Variants in DPP6 observed in about 807,000 individuals in gnomAD.
The protein encoded by DPP6 is A-type potassium channel modulatory protein DPP6.
Under a neutral mutation model 122.6 loss-of-function variants are expected in DPP6, and 69 were observed. The ratio of observed to expected loss-of-function variants is 0.56; its 90% CI spans 0.46 to 0.69. The LOEUF (loss-of-function observed/expected upper bound fraction) is 0.69, where lower values mean the gene tolerates loss of function less well. DPP6 is among the 30% of genes least tolerant of loss of function. The probability of loss-of-function intolerance (pLI) is 0.00; values close to 1 mark genes in which losing one functional copy is unlikely to be tolerated. For synonymous variants in DPP6, 418 were observed against 433.1 expected (o/e 0.97, Z 0.43); for missense variants, 928 against 1,116.9 (o/e 0.83, Z 2.41).
chr7:154,037,358 A>T (rs1799588592), intron 1 of DPP6, among the ~76,000 whole-genome samples: 2 of 151,908 alleles, frequency 1.3e-5, no homozygotes, highest in South Asian at 2.1e-4. Context: ...CCAGGACCTC[A>T]TGGCAGCCTT....
intron 21 of DPP6, among the ~76,000 whole-genome samples, chr7:154,882,288 A>G (rs964761565): frequency 6.6e-6 from 1 of 152,068 alleles, no homozygotes; most frequent in African/African-American, 2.4e-5. Context: ...GTACCCCCGC[A>G]CTCAGCTCCG....
chr7:154,645,210 C>T (rs1399804747), intron 6 of DPP6, among the ~76,000 whole-genome samples: 7 of 151,738 alleles, frequency 4.6e-5, no homozygotes, highest in South Asian at 2.1e-4. Flanking sequence ...GGACTACAGG[C>T]GCCCACCACC....
At chr7:154,783,567 G>A (rs1392505744) in intron 10 of DPP6, among the ~76,000 whole-genome samples, 1 of 152,182 alleles carries the variant, frequency 6.6e-6, no homozygotes, top group Non-Finnish European at 1.5e-5. Context: ...AGGCATGGAC[G>A]CCTCCCATCA....
chr7:154,873,419 G>A (rs1280423611), intron 19 of DPP6, among the ~76,000 whole-genome samples: 2 of 152,072 alleles, frequency 1.3e-5, no homozygotes, highest in African/African-American at 4.8e-5. Flanking sequence ...AGACCACGGA[G>A]CAGGAGAAAC....
intron 1 of DPP6, among the ~76,000 whole-genome samples, chr7:153,988,642 C>A (rs905152545): frequency 6.6e-6 from 1 of 152,154 alleles, no homozygotes; most frequent in Admixed American, 6.5e-5. Context: ...GAGCGGGGCC[C>A]GGAGAAAGGG....
At chr7:154,467,505 T>A (rs929862389) in intron 2 of DPP6, among the ~76,000 whole-genome samples, 1 of 152,172 alleles carries the variant, frequency 6.6e-6, no homozygotes, top group Non-Finnish European at 1.5e-5. Context: ...TCACAAAGGG[T>A]GCTTGCTTCC....
chr7:153,894,913 C>G (rs1799344496), intron 1 of DPP6, among the ~76,000 whole-genome samples: 4 of 152,134 alleles, frequency 2.6e-5, no homozygotes, highest in Admixed American at 2.6e-4. Flanking sequence ...AAGTCTTGTT[C>G]CCTGGGTTGT....
At chr7:154,076,703 GCTT>G (rs1161639389) in intron 1 of DPP6, among the ~76,000 whole-genome samples, 3 of 151,842 alleles carry the variant, frequency 2.0e-5, no homozygotes, top group Non-Finnish European at 2.9e-5. Flanking sequence ...GCCAGGTGTG[GCTT>G]CTTCTTTTTA....
chr7:153,930,433 AT>A (rs1563019089), intron 1 of DPP6, among the ~76,000 whole-genome samples: 1 of 152,140 alleles, frequency 6.6e-6, no homozygotes, highest in Non-Finnish European at 1.5e-5. Context: ...TCAGCAGGAT[AT>A]GGCTCCTATT....
intron 1 of DPP6, among the ~76,000 whole-genome samples, chr7:154,235,850 T>C (rs1801180294): frequency 6.6e-6 from 1 of 152,028 alleles, no homozygotes; most frequent in Admixed American, 6.5e-5. Flanking sequence ...CTTATCTTTA[T>C]TTTATTTATT....
intron 2 of DPP6, among the ~76,000 whole-genome samples, chr7:154,456,370 A>C (rs770831024): frequency 6.6e-6 from 1 of 152,230 alleles, no homozygotes; most frequent in Non-Finnish European, 1.5e-5. Context: ...CCAGAAGTTC[A>C]GTTAAGTGAT....
rs894423028 is a variant in DPP6, at chr7:154,806,871, G to A, written c.1548-123G>A. 35 of 1,302,126 alleles carry A rather than the reference G, an allele frequency of 2.7e-5. No homozygotes were observed. In the East Asian group the frequency reaches 2.8e-4, roughly 11 times the overall value. The allele number at this position is 1,302,126 out of a possible 1,614,324, so 80.7% of individuals were successfully genotyped here. ...AGCAGGGAGACAGAGGGAGAGGCCC[G>A]GGGGGTCTGTAGCAGGGCTCCGCAG... On this transcript the variant is annotated intron_variant, in intron 15 of 25. Coordinates refer to ENST00000377770, the MANE Select transcript of DPP6 (RefSeq NM_130797.4).
chr7:153,964,569 G>A (rs893730152), intron 1 of DPP6, among the ~76,000 whole-genome samples: 1 of 152,152 alleles, frequency 6.6e-6, no homozygotes, highest in Non-Finnish European at 1.5e-5. Context: ...CCACTACCTG[G>A]GAGATGTAGG....
chr7:154,784,234 G>A (rs189727170), intron 10 of DPP6, among the ~76,000 whole-genome samples: 17 of 152,206 alleles, frequency 1.1e-4, no homozygotes, highest in African/African-American at 2.2e-4. Flanking sequence ...CTGTGAACAC[G>A]CCATTCTCCT....
At chr7:154,262,637 A>G (rs972577018) in intron 1 of DPP6, among the ~76,000 whole-genome samples, 3 of 141,350 alleles carry the variant, frequency 2.1e-5, no homozygotes, top group East Asian at 2.1e-4. Flanking sequence ...AATATGTTAG[A>G]AAGTGTCAAA....
At chr7:154,614,969 G>T (rs1224933049) in intron 5 of DPP6, among the ~76,000 whole-genome samples, 1 of 152,174 alleles carries the variant, frequency 6.6e-6, no homozygotes, top group Non-Finnish European at 1.5e-5. Context: ...GGAGTCCATG[G>T]GTGAATCTTT....
At chr7:154,540,441 C>A in intron 3 of DPP6, 91 bp from the exon 4 acceptor site, 1 of 790,768 alleles carries the variant, frequency 1.3e-6, no homozygotes, top group Non-Finnish European at 2.1e-6. Flanking sequence ...TTTTTCAGAA[C>A]TAGTGATTTT....
At chr7:154,134,495 C>T (rs1407029404) in intron 1 of DPP6, among the ~76,000 whole-genome samples, 2 of 152,172 alleles carry the variant, frequency 1.3e-5, no homozygotes, top group Non-Finnish European at 2.9e-5. Flanking sequence ...GGGTCTTCCA[C>T]ATGGCTGGGC....
chr7:154,074,920 T>C (rs1440877096), intron 1 of DPP6, among the ~76,000 whole-genome samples: 1 of 151,214 alleles, frequency 6.6e-6, no homozygotes, highest in Non-Finnish European at 1.5e-5. Context: ...ACAGTACTAC[T>C]ATCCAGAATG....
Sources: allele counts gnomAD v4.1 joint callset (sites outside exome capture counted in the v4.1 genomes callset), GRCh38; gene constraint gnomAD v4.1.1; transcripts MANE v1.5; gene names NCBI Gene and HGNC (gene_info 2026-07-23, HGNC 2026-07-21).